The following CETN3 variants were observed in gnomAD, a reference collection of about 807,000 sequenced individuals.
CETN3 encodes the protein centrin-3.
Under a neutral mutation model 20.1 loss-of-function variants are expected in CETN3, and 17 were observed. The ratio of observed to expected loss-of-function variants is 0.85; its 90% CI spans 0.58 to 1.27. The LOEUF (loss-of-function observed/expected upper bound fraction) is 1.27, where lower values mean the gene tolerates loss of function less well. Ranked by LOEUF, CETN3 falls within the 50% of genes most tolerant of loss-of-function variation. The pLI, the probability that CETN3 is intolerant of heterozygous loss-of-function variation, is 0.00. For missense variants in CETN3, 169 were observed against 191.2 expected, an observed-to-expected ratio of 0.88 and a Z score of 0.69; for synonymous variants, 52 against 59.7, an observed-to-expected ratio of 0.87 and a Z score of 0.59.
intron 2 of CETN3, among the ~76,000 whole-genome samples, chr5:90,406,007 A>G (rs1433637396): frequency 2.6e-5 from 4 of 152,134 alleles, no homozygotes; most frequent in African/African-American, 9.7e-5. Flanking sequence ...TATAAATTGC[A>G]TTTTTTATAT....
At chr5:90,409,460 C>G (rs556964483) in intron 1 of CETN3, among the ~76,000 whole-genome samples, 185 bp downstream of exon 1, 1 of 152,238 alleles carries the variant, frequency 6.6e-6, no homozygotes, top group African/African-American at 2.4e-5. Context: ...GCACTGGTCT[C>G]GTTCCCTGCA....
At chr5:90,404,019 G>C (rs370748426) in intron 3 of CETN3, among the ~76,000 whole-genome samples, 2 of 151,090 alleles carry the variant, frequency 1.3e-5, no homozygotes, top group Non-Finnish European at 2.9e-5. Flanking sequence ...TATACACAAA[G>C]TCTATTTTAT....
At chr5:90,403,561 C>T (rs1424266335) in intron 3 of CETN3, among the ~76,000 whole-genome samples, 1 of 152,102 alleles carries the variant, frequency 6.6e-6, no homozygotes, top group African/African-American at 2.4e-5. Context: ...GGATTCTGGT[C>T]CCAACTGCCA....
intron 4 of CETN3, among the ~76,000 whole-genome samples, chr5:90,394,327 T>C (rs1452797155): frequency 6.6e-6 from 1 of 152,022 alleles, no homozygotes; most frequent in African/African-American, 2.4e-5. Flanking sequence ...TGATAAACAT[T>C]ACAAATTAGT....
intron 2 of CETN3, 92 bp downstream of exon 2, chr5:90,407,607 T>C: frequency 1.1e-6 from 1 of 950,202 alleles, no homozygotes; most frequent in Non-Finnish European, 1.4e-6. Context: ...ACCAATTTAG[T>C]TAAAATAATT....
rs1170655945 is a variant in CETN3, at chr5:90,393,982, G to GT, written c.*81dup. On this transcript the variant is annotated 3_prime_UTR_variant, in exon 5 of 5. Coordinates refer to ENST00000283122, the MANE Select transcript of CETN3 (RefSeq NM_004365.4). ...CCTTTAGGATAAAAGAACTAAGTTG[G>GT]TTTTTTTCACATGGCTCCAGGCACA... 7 of 994,424 alleles carry GT rather than the reference G, an allele frequency of 7.0e-6. No individual in the cohort carries two copies. Among genetic ancestry groups the GT allele is most frequent in the Non-Finnish European group, 7.7e-6 (5 of 647,344 alleles). 61.6% of individuals were successfully genotyped at this position (994,424 alleles called of 1,614,324 possible).
intron 4 of CETN3, chr5:90,395,830 T>C (rs924097956): frequency 1.1e-6 from 1 of 872,486 alleles, no homozygotes; most frequent in Non-Finnish European, 1.4e-6. Flanking sequence ...AATTAACCAA[T>C]TAAAAAATGT....
chr5:90,398,078 C>T (rs1033454015), intron 4 of CETN3, among the ~76,000 whole-genome samples: 2 of 152,062 alleles, frequency 1.3e-5, no homozygotes, highest in Non-Finnish European at 2.9e-5. Context: ...GGGGAAGTGA[C>T]TCTTTCTGTA....
In CETN3 at chr5:90,407,910, C is replaced by T. The variant is rs1218351910; in HGVS notation, c.18-76G>A. The T allele has an allele frequency of 3.2e-6, 4 of 1,257,484 alleles. No homozygotes were observed. In the African/African-American group the frequency reaches 6.1e-5, roughly 19 times the overall value. 77.9% of individuals were successfully genotyped at this position (1,257,484 alleles called of 1,614,324 possible). A position where few individuals can be genotyped will look rare whatever the true frequency, so the allele number is the denominator to read the frequency against. On this transcript the variant is annotated intron_variant, in intron 1 of 4. Coordinates refer to ENST00000283122, the MANE Select transcript of CETN3 (RefSeq NM_004365.4). The stretch of plus-strand genomic sequence containing the variant: ...ACAGAAATTAGCCAATAATTACCTT[C>T]TAAATTTCAAAAAAGAAAGTACTTT...
At chr5:90,408,857 G>C (rs1352184924) in intron 1 of CETN3, among the ~76,000 whole-genome samples, 1 of 151,236 alleles carries the variant, frequency 6.6e-6, no homozygotes, top group East Asian at 1.9e-4. Flanking sequence ...ACAAAGCTGA[G>C]GAAGATCTTC....
At chr5:90,397,534 T>C (rs920471627) in intron 4 of CETN3, among the ~76,000 whole-genome samples, 1 of 152,122 alleles carries the variant, frequency 6.6e-6, no homozygotes, top group African/African-American at 2.4e-5. Flanking sequence ...TTAAGTACCT[T>C]AGAGACCATC....
chr5:90,396,259 T>A (rs942699759), intron 4 of CETN3: 1 of 985,056 alleles, frequency 1.0e-6, no homozygotes, highest in African/African-American at 1.7e-5. Flanking sequence ...TATGAAGCCA[T>A]GCAATCAGTA....
chr5:90,400,166 G>A (rs181581743), intron 3 of CETN3, among the ~76,000 whole-genome samples: 149 of 152,058 alleles, frequency 9.8e-4, no homozygotes, highest in Admixed American at 2.4e-3. Context: ...TAGTAAATAG[G>A]ATCAAATCTG....
At chr5:90,396,418 G>T in intron 4 of CETN3, 1 of 1,482,272 alleles carries the variant, frequency 6.7e-7, no homozygotes, top group East Asian at 2.5e-5. Flanking sequence ...TCTTAGGAAA[G>T]CTATGATCCC....
intron 4 of CETN3, among the ~76,000 whole-genome samples, chr5:90,398,452 A>G (rs1190095953): frequency 6.6e-6 from 1 of 152,196 alleles, no homozygotes; most frequent in Non-Finnish European, 1.5e-5. Flanking sequence ...TTTTGGGAAA[A>G]AGATGGTGTT....
At chr5:90,407,941 A>G in intron 1 of CETN3, 107 bp from the exon 2 acceptor site, 1 of 930,042 alleles carries the variant, frequency 1.1e-6, no homozygotes, top group Non-Finnish European at 1.5e-6. Flanking sequence ...ACTTTGGAGA[A>G]AGATAGGGAA....
chr5:90,401,859 T>G (rs924288026), intron 3 of CETN3, among the ~76,000 whole-genome samples: 1 of 152,156 alleles, frequency 6.6e-6, no homozygotes, highest in Admixed American at 6.5e-5. Context: ...CTAATTTATT[T>G]ATTGTTTTAA....
chr5:90,409,537 A>T, intron 1 of CETN3, 108 bp downstream of exon 1: 1 of 1,375,932 alleles, frequency 7.3e-7, no homozygotes, highest in Non-Finnish European at 1.0e-6. Context: ...CGCGTCCCAA[A>T]CTACATCCCC....
chr5:90,404,227 C>T (rs1749377547), intron 3 of CETN3, among the ~76,000 whole-genome samples: 1 of 152,078 alleles, frequency 6.6e-6, no homozygotes, highest in South Asian at 2.1e-4. Flanking sequence ...GAAAATGAGG[C>T]ATGGGGTATT....
Sources: allele counts gnomAD v4.1 joint callset (sites outside exome capture counted in the v4.1 genomes callset), GRCh38; gene constraint gnomAD v4.1.1; transcripts MANE v1.5; gene names NCBI Gene and HGNC (gene_info 2026-07-23, HGNC 2026-07-21).